The following SOCS2 variants were observed in gnomAD, a reference collection of about 807,000 sequenced individuals.
SOCS2 encodes the protein suppressor of cytokine signaling 2, also known as CIS-2.
A neutral mutation model predicts 18.6 loss-of-function variants in SOCS2; 10 were observed. The observed-to-expected ratio is 0.54, with a 90% CI of 0.33 to 0.91. The LOEUF (loss-of-function observed/expected upper bound fraction) is 0.91, where lower values mean the gene tolerates loss of function less well. Ranked by LOEUF, SOCS2 falls within the 40% of genes least tolerant of loss-of-function variation. The probability of loss-of-function intolerance (pLI) is 0.02; values close to 1 mark genes in which losing one functional copy is unlikely to be tolerated. For synonymous variants in SOCS2, 104 were observed against 104.0 expected, an observed-to-expected ratio of 1.00 and a Z score of 0.00; for missense variants, 231 against 247.2, an observed-to-expected ratio of 0.93 and a Z score of 0.44.
the SOCS2 span, among the ~76,000 whole-genome samples, chr12:93,624,344 G>C: frequency 6.6e-6 from 1 of 152,166 alleles, no homozygotes; most frequent in Non-Finnish European, 1.5e-5. Flanking sequence ...AGGCCAAGGC[G>C]GGTGGATCAC....
At chr12:93,572,201 G>A (rs75752997), upstream of SOCS2, 1,571 of 169,604 alleles carry the variant, frequency 9.3e-3, 25 homozygotes, top group African/African-American at 0.036. The surrounding 1 kb of genome is among the most constrained non-coding windows in gnomAD (Gnocchi z 5.0). Flanking sequence ...GTGCCTCGGG[G>A]CCCCGCAGCG....
the SOCS2 span, among the ~76,000 whole-genome samples, chr12:93,609,513 A>C: frequency 6.6e-6 from 1 of 151,648 alleles, no homozygotes; most frequent in Admixed American, 6.6e-5. Flanking sequence ...GATTTACTTA[A>C]ATATTACCTT....
the SOCS2 span, among the ~76,000 whole-genome samples, chr12:93,595,129 C>CG: frequency 5.9e-5 from 9 of 151,938 alleles, no homozygotes; most frequent in South Asian, 2.1e-4. Context: ...TGTGAGGGGA[C>CG]GGGGGGTGAT....
At chr12:93,593,419 T>A in the SOCS2 span, among the ~76,000 whole-genome samples, 2,913 of 152,284 alleles carry the variant, frequency 0.019, 124 homozygotes, top group East Asian at 0.14. Context: ...GGAAGCAACT[T>A]GACCTTGATT....
rs1211158149 is a variant in SOCS2 at position 93,575,102 on chromosome 12, T to C, written c.520T>C (p.Cys174Arg). ...QHLCRLTINK[C>R]TGAIWGLPLP... ...TCTCTGTAGGCTCACCATTAACAAA[T>C]GTACCGGTGCCATCTGGGGACTGCC... is the stretch of plus-strand genomic sequence containing the variant. Residue 174 changes from cysteine (C) to arginine (R), a missense_variant, in exon 2 of 2, where the codon TGT becomes CGT. Transcript: ENST00000551556. The C allele has an allele frequency of 1.2e-6, 2 of 1,610,550 alleles. No individual in the cohort carries two copies. The highest frequency in any genetic ancestry group is 1.7e-6 in the Non-Finnish European group (2 of 1,179,000).
At chr12:93,594,742 G>A in the SOCS2 span, among the ~76,000 whole-genome samples, 2 of 152,140 alleles carry the variant, frequency 1.3e-5, no homozygotes, top group Non-Finnish European at 2.9e-5. Context: ...TTATGTAAGG[G>A]AGTTTGTCAG....
At chr12:93,604,901 T>C in the SOCS2 span, among the ~76,000 whole-genome samples, 3 of 151,800 alleles carry the variant, frequency 2.0e-5, no homozygotes, top group African/African-American at 4.8e-5. Context: ...TTTCAAGCGA[T>C]CCTCCTGCCT....
downstream of SOCS2, among the ~76,000 whole-genome samples, chr12:93,584,006 T>C (rs1954568394): frequency 6.6e-6 from 1 of 152,214 alleles, no homozygotes; most frequent in Non-Finnish European, 1.5e-5. Flanking sequence ...CTTCATTCCA[T>C]AAAATAGAGT....
the SOCS2 span, among the ~76,000 whole-genome samples, chr12:93,625,006 C>T: frequency 6.6e-6 from 1 of 152,206 alleles, no homozygotes; most frequent in African/African-American, 2.4e-5. Flanking sequence ...TTTTACTAAT[C>T]CCCTGAGATA....
chr12:93,579,631 T>C (rs1954511170), downstream of SOCS2, among the ~76,000 whole-genome samples: 1 of 152,214 alleles, frequency 6.6e-6, no homozygotes, highest in African/African-American at 2.4e-5. Flanking sequence ...ATGGTTCTTA[T>C]ATTCTCATCT....
chr12:93,572,683 A>T lies in SOCS2; in HGVS notation c.-215A>T, dbSNP rs553627732. ...ACCCAACCTCCCGCTTTCTCTTTGTAGGCGATCAGTGGGTGACCGCGGCTG... is the reference window on the plus strand; with the variant it reads ...ACCCAACCTCCCGCTTTCTCTTTGTTGGCGATCAGTGGGTGACCGCGGCTG... On this transcript the variant is annotated 5_prime_UTR_variant, in exon 1 of 2. Coordinates refer to ENST00000551556, the MANE Select transcript of SOCS2 (RefSeq NM_001270471.2). The surrounding 1 kb of genome is among the most constrained non-coding windows in gnomAD (Gnocchi z 5.0). 11 of 723,520 alleles carry T rather than the reference A, an allele frequency of 1.5e-5. No homozygotes were observed. The highest frequency in any genetic ancestry group is 2.2e-5 in the Non-Finnish European group (9 of 407,770). The allele number at this position is 723,520 out of a possible 1,614,324, so 44.8% of individuals were successfully genotyped here.
chr12:93,597,144 T>A, the SOCS2 span, among the ~76,000 whole-genome samples: 1 of 152,188 alleles, frequency 6.6e-6, no homozygotes, highest in South Asian at 2.1e-4. Flanking sequence ...CTGATCTTGG[T>A]ATAAAGTGTT....
the SOCS2 span, among the ~76,000 whole-genome samples, chr12:93,610,084 G>A: frequency 1.3e-5 from 2 of 152,134 alleles, no homozygotes; most frequent in East Asian, 1.9e-4. Flanking sequence ...CAACACAGTC[G>A]CACTGAGGAT....
At chr12:93,608,087 A>G in the SOCS2 span, among the ~76,000 whole-genome samples, 3 of 145,996 alleles carry the variant, frequency 2.1e-5, no homozygotes, top group Non-Finnish European at 4.5e-5. Context: ...TGCAGCCTTG[A>G]TCTCCTGAGC....
At chr12:93,579,583 A>G (rs1409246619), downstream of SOCS2, among the ~76,000 whole-genome samples, 1 of 152,192 alleles carries the variant, frequency 6.6e-6, no homozygotes, top group Admixed American at 6.5e-5. Context: ...GTAAGTAAGA[A>G]CGATTCTGTG....
chr12:93,613,941 A>G, the SOCS2 span, among the ~76,000 whole-genome samples: 233 of 152,326 alleles, frequency 1.5e-3, 1 homozygote, highest in Middle Eastern at 6.8e-3. Context: ...AGAATAGAAC[A>G]CACTTCAAAG....
chr12:93,604,268 A>G, the SOCS2 span, among the ~76,000 whole-genome samples: 1 of 152,234 alleles, frequency 6.6e-6, no homozygotes, highest in Non-Finnish European at 1.5e-5. Flanking sequence ...AGAATGTGAA[A>G]AGCAGACGAC....
the SOCS2 span, among the ~76,000 whole-genome samples, chr12:93,605,036 C>A: frequency 1.3e-5 from 2 of 151,924 alleles, no homozygotes; most frequent in South Asian, 4.1e-4. Context: ...GCCATGCCCA[C>A]TCCCCACTCC....
chr12:93,572,576 A>C, upstream of SOCS2: 2 of 551,808 alleles, frequency 3.6e-6, no homozygotes, highest in Non-Finnish European at 6.7e-6. The surrounding 1 kb of genome is among the most constrained non-coding windows in gnomAD (Gnocchi z 5.0). Flanking sequence ...TGGTGCAGGA[A>C]CGTAGAGGCG....
Sources: gnomAD v4.1 joint callset for allele counts (sites outside exome capture counted in the v4.1 genomes callset) on GRCh38, gnomAD v4.1.1 for gene constraint, Gnocchi (gnomAD v3.1) non-coding constraint, MANE v1.5 for transcripts, NCBI Gene and HGNC (gene_info 2026-07-23, HGNC 2026-07-21) for gene names.